DPP10: variants seen among roughly 807,000 people sequenced by gnomAD.
The protein encoded by DPP10 is dipeptidyl peptidase like 10.
A neutral mutation model predicts 120.9 loss-of-function variants in DPP10; 33 were observed. The ratio of observed to expected loss-of-function variants is 0.27; its 90% CI spans 0.21 to 0.37. The LOEUF is 0.37. Ranked by LOEUF, DPP10 falls within the 10% of genes least tolerant of loss-of-function variation. The pLI is 1.00. For missense variants in DPP10, 816 were observed against 942.8 expected, an observed-to-expected ratio of 0.87 and a Z score of 1.76; for synonymous variants, 337 against 326.1, an observed-to-expected ratio of 1.03 and a Z score of -0.36.
chr2:114,525,015 A>T (rs1413890937), intron 1 of DPP10, among the ~76,000 whole-genome samples: 1 of 152,170 alleles, frequency 6.6e-6, no homozygotes, highest in Non-Finnish European at 1.5e-5. Context: ...GTGTGCTGGG[A>T]AGTGGCAATG....
chr2:115,728,059 A>G (rs189095951), intron 8 of DPP10, 123 bp downstream of exon 8: 1 of 1,166,418 alleles, frequency 8.6e-7, no homozygotes, highest in African/African-American at 1.6e-5. Context: ...TTTTCTCTCA[A>G]AATTGCCCTC....
chr2:115,180,997 A>G (rs553026822), intron 1 of DPP10, among the ~76,000 whole-genome samples: 35 of 65,246 alleles, frequency 5.4e-4, no homozygotes, highest in African/African-American at 1.0e-3. Context: ...TTTCCTAAAA[A>G]TATACGTCAC....
chr2:115,276,720 C>G (rs536761967), intron 1 of DPP10, among the ~76,000 whole-genome samples: 46 of 152,274 alleles, frequency 3.0e-4, no homozygotes, highest in African/African-American at 1.1e-3. Flanking sequence ...ACTGTAAAGG[C>G]AAGTATGAGA....
chr2:114,486,982 A>G (rs1681574246), intron 1 of DPP10, among the ~76,000 whole-genome samples: 1 of 152,190 alleles, frequency 6.6e-6, no homozygotes, highest in African/African-American at 2.4e-5. Flanking sequence ...TACATTTTGC[A>G]TAATTCACAT....
intron 1 of DPP10, among the ~76,000 whole-genome samples, chr2:114,653,431 G>C (rs1438474845): frequency 6.6e-6 from 1 of 152,090 alleles, no homozygotes; most frequent in East Asian, 1.9e-4. Context: ...GATTGTGACA[G>C]AATAAATTTC....
chr2:114,472,027 A>G (rs1679962526), intron 1 of DPP10, among the ~76,000 whole-genome samples: 1 of 152,220 alleles, frequency 6.6e-6, no homozygotes, highest in Admixed American at 6.5e-5. Flanking sequence ...AACTATTGCA[A>G]TGTGGGAGAG....
At chr2:115,351,562 A>G (rs2064037489) in intron 3 of DPP10, among the ~76,000 whole-genome samples, 1 of 152,100 alleles carries the variant, frequency 6.6e-6, no homozygotes, top group Non-Finnish European at 1.5e-5. Context: ...AAGTAAAAAC[A>G]CATAGGAGGC....
chr2:114,940,103 C>A (rs1696780776), intron 1 of DPP10, among the ~76,000 whole-genome samples: 1 of 152,118 alleles, frequency 6.6e-6, no homozygotes, highest in Non-Finnish European at 1.5e-5. Context: ...TAATCCCTAG[C>A]AGTTGGGTAA....
At chr2:115,021,510 T>C (rs1248937886) in intron 1 of DPP10, among the ~76,000 whole-genome samples, 2 of 152,096 alleles carry the variant, frequency 1.3e-5, no homozygotes, top group East Asian at 3.9e-4. Flanking sequence ...AGCAGTGAGA[T>C]TGAAATGATA....
intron 1 of DPP10, among the ~76,000 whole-genome samples, chr2:114,599,336 ATTCTAT>A (rs1558920386): frequency 6.6e-6 from 1 of 151,922 alleles, no homozygotes; most frequent in East Asian, 1.9e-4. Context: ...TTGAGGCTAT[ATTCTAT>A]TTCTATTACT....
chr2:115,598,797 T>C (rs928150907), intron 5 of DPP10, among the ~76,000 whole-genome samples: 3 of 139,184 alleles, frequency 2.2e-5, no homozygotes, highest in African/African-American at 8.0e-5. Context: ...TCCTAGTTTC[T>C]CTTCAGCCTG....
chr2:115,174,604 C>A (rs1316902486), intron 1 of DPP10, among the ~76,000 whole-genome samples: 1 of 152,228 alleles, frequency 6.6e-6, no homozygotes, highest in South Asian at 2.1e-4. Context: ...GGTACATTCC[C>A]CTAAAATTCT....
chr2:115,399,330 C>G (rs1351019920), intron 3 of DPP10, among the ~76,000 whole-genome samples: 1 of 152,094 alleles, frequency 6.6e-6, no homozygotes, highest in Non-Finnish European at 1.5e-5. Context: ...TGCAATTCAA[C>G]AACACACAAT....
At chr2:115,473,245 T>A (rs2074849701) in intron 3 of DPP10, among the ~76,000 whole-genome samples, 1 of 152,200 alleles carries the variant, frequency 6.6e-6, no homozygotes, top group Non-Finnish European at 1.5e-5. Flanking sequence ...TAATCTGATT[T>A]GATTTATTTG....
intron 1 of DPP10, among the ~76,000 whole-genome samples, chr2:114,925,812 C>T (rs1022095444): frequency 1.3e-5 from 2 of 152,134 alleles, no homozygotes; most frequent in Admixed American, 6.6e-5. Flanking sequence ...GAAGGCTGTC[C>T]TCACATGTGC....
At chr2:115,446,257 G>C (rs2072575540) in intron 3 of DPP10, among the ~76,000 whole-genome samples, 1 of 152,196 alleles carries the variant, frequency 6.6e-6, no homozygotes, top group African/African-American at 2.4e-5. Flanking sequence ...TGTCTAGGTA[G>C]AAGTTTGCTG....
intron 5 of DPP10, among the ~76,000 whole-genome samples, chr2:115,653,633 G>A (rs1461586919): frequency 6.6e-6 from 1 of 151,892 alleles, no homozygotes. Flanking sequence ...CAATGTGTAT[G>A]TTCTTTCTTT....
chr2:115,743,012 A>G (rs1677484257), intron 9 of DPP10, among the ~76,000 whole-genome samples: 1 of 151,566 alleles, frequency 6.6e-6, no homozygotes, highest in Admixed American at 6.6e-5. Flanking sequence ...TGTAATTAAA[A>G]CATTATCTTG....
intron 5 of DPP10, among the ~76,000 whole-genome samples, chr2:115,577,298 G>A (rs900785174): frequency 1.3e-5 from 2 of 152,282 alleles, no homozygotes; most frequent in East Asian, 1.9e-4. Flanking sequence ...GCGATAAAAT[G>A]AGTGTGATCC....
Sources: allele counts gnomAD v4.1 joint callset (sites outside exome capture counted in the v4.1 genomes callset), GRCh38; gene constraint gnomAD v4.1.1; transcripts MANE v1.5; gene names NCBI Gene and HGNC (gene_info 2026-07-23, HGNC 2026-07-21).